Variants in MAN1A1 observed in about 807,000 individuals in gnomAD.
MAN1A1 encodes mannosidase alpha class 1A member 1.
In MAN1A1, 29 loss-of-function variants were observed where a neutral mutation model predicts 70.8. The observed-to-expected ratio is 0.41, with a 90% CI of 0.31 to 0.56. MAN1A1 has a LOEUF of 0.56. Ranked by LOEUF, MAN1A1 falls within the 20% of genes least tolerant of loss-of-function variation. MAN1A1 has a pLI of 0.29. For synonymous variants in MAN1A1, 349 were observed against 330.1 expected (o/e 1.06, Z -0.62); for missense variants, 747 against 841.3 (o/e 0.89, Z 1.39).
chr6:119,201,306 T>C lies in MAN1A1; in HGVS notation c.1158A>G (p.Pro386=), dbSNP rs755121268. The change falls in exon 8 of 13, where the codon CCA becomes CCG. Residue 386 remains proline (P), a synonymous_variant. Coordinates refer to ENST00000368468, the MANE Select transcript of MAN1A1 (RefSeq NM_005907.4). ...TCAGATAGTTAGGATAAAGGCCTTG[T>C]GGTTTTTCCAGTTTGTTCAGTACTG... ...IRTVLNKLEK[P]QGLYPNYLNP... 1.6e-5 allele frequency: 26 copies of C among 1,613,622 alleles called. No homozygotes were observed. Among genetic ancestry groups the C allele is most frequent in the African/African-American group, 2.7e-5 (2 of 74,910 alleles).
chr6:119,198,978 T>A (rs1007628193), intron 8 of MAN1A1, among the ~76,000 whole-genome samples: 2 of 152,252 alleles, frequency 1.3e-5, no homozygotes, highest in Non-Finnish European at 2.9e-5. Context: ...ATTGTTACAT[T>A]AAAAGCCACT....
At chr6:119,329,575 T>C (rs1414234539) in intron 2 of MAN1A1, among the ~76,000 whole-genome samples, 1 of 152,168 alleles carries the variant, frequency 6.6e-6, no homozygotes, top group Non-Finnish European at 1.5e-5. Context: ...TAGGTCAATC[T>C]ACTTGTTTGC....
intron 4 of MAN1A1, among the ~76,000 whole-genome samples, chr6:119,296,250 C>A (rs933869392): frequency 3.3e-5 from 5 of 152,124 alleles, no homozygotes; most frequent in Non-Finnish European, 7.4e-5. Context: ...CAAAGATATG[C>A]AAATACCTCT....
intron 8 of MAN1A1, among the ~76,000 whole-genome samples, chr6:119,200,657 G>A (rs1279268126): frequency 6.6e-6 from 1 of 152,078 alleles, no homozygotes; most frequent in African/African-American, 2.4e-5. Flanking sequence ...TTATGCCCCT[G>A]CTCAAAATCG....
intron 5 of MAN1A1, among the ~76,000 whole-genome samples, chr6:119,252,103 C>T (rs1443315825): frequency 6.6e-6 from 1 of 152,070 alleles, no homozygotes; most frequent in East Asian, 1.9e-4. Context: ...CCACTAGATA[C>T]GATCTCAACG....
At chr6:119,292,469 G>T (rs1329001243) in intron 4 of MAN1A1, among the ~76,000 whole-genome samples, 1 of 151,906 alleles carries the variant, frequency 6.6e-6, no homozygotes, top group Non-Finnish European at 1.5e-5. Context: ...TAGGGAAATG[G>T]CAATAAGGAC....
intron 6 of MAN1A1, among the ~76,000 whole-genome samples, chr6:119,222,994 C>T (rs1316654144): frequency 6.6e-6 from 1 of 151,892 alleles, no homozygotes; most frequent in African/African-American, 2.4e-5. Flanking sequence ...CTGAATTGAA[C>T]CTTTTAAGTG....
chr6:119,298,734 C>A (rs1772297796), intron 4 of MAN1A1, among the ~76,000 whole-genome samples: 1 of 151,768 alleles, frequency 6.6e-6, no homozygotes, highest in Non-Finnish European at 1.5e-5. Flanking sequence ...GTAGCTGGGA[C>A]TACAGGCGTG....
chr6:119,209,594 T>C (rs184314185), intron 6 of MAN1A1, among the ~76,000 whole-genome samples: 2 of 152,170 alleles, frequency 1.3e-5, no homozygotes, highest in Non-Finnish European at 2.9e-5. Context: ...TTAGCACAGA[T>C]TGGGAAAGAA....
At chr6:119,214,090 G>C (rs1267796913) in intron 6 of MAN1A1, among the ~76,000 whole-genome samples, 2 of 152,010 alleles carry the variant, frequency 1.3e-5, no homozygotes, top group African/African-American at 4.8e-5. Flanking sequence ...TCAGCCTCCT[G>C]AGTAGCTGGG....
Position 119,326,599 on chromosome 6 carries a change from C to T in MAN1A1, c.604-19607G>A, listed in dbSNP as rs78619589. ...CAACTTCTGGAGACTAGGTAATTTA[C>T]AAAGGAAAGAGGGCTCATGGACTCA... On this transcript the variant is annotated intron_variant, in intron 2 of 12. Coordinates refer to ENST00000368468, the MANE Select transcript of MAN1A1 (RefSeq NM_005907.4). Among the ~76,000 whole-genome samples the T allele has an allele frequency of 5.9e-3, 896 of 152,206 alleles. 31 individuals are homozygous for T. In the East Asian group the frequency reaches 0.09, roughly 15 times the overall value.
At chr6:119,182,925 G>C (rs1773189411) in intron 11 of MAN1A1, among the ~76,000 whole-genome samples, 1 of 151,926 alleles carries the variant, frequency 6.6e-6, no homozygotes, top group Middle Eastern at 3.2e-3. Context: ...CAAGAAGATG[G>C]AAAGCATAGA....
In MAN1A1 at chr6:119,188,365, T is replaced by C. The variant is rs186907329; in HGVS notation, c.1719+40A>G. 595 of 1,534,886 alleles carry C rather than the reference T, an allele frequency of 3.9e-4. 2 individuals carry two copies. In the African/African-American group the frequency reaches 7.7e-3, roughly 20 times the overall value. On this transcript the variant is annotated intron_variant, in intron 11 of 12. Transcript: ENST00000368468. ...GGGTATCACTGAACATTTTTTACTA[T>C]GAAATTTATCTATAAGAAACATGCA...
At chr6:119,339,654 T>C (rs1243862730) in intron 2 of MAN1A1, among the ~76,000 whole-genome samples, 1 of 152,030 alleles carries the variant, frequency 6.6e-6, no homozygotes, top group South Asian at 2.1e-4. Context: ...CAAGCAGACA[T>C]GAGTTTATAA....
intron 8 of MAN1A1, 48 bp from the exon 9 acceptor site, chr6:119,193,940 A>G: frequency 8.4e-7 from 1 of 1,194,716 alleles, no homozygotes; most frequent in Non-Finnish European, 1.2e-6. Flanking sequence ...CTTTTAATTC[A>G]GATAATGCAG....
At chr6:119,270,749 T>C (rs1775895961) in intron 5 of MAN1A1, among the ~76,000 whole-genome samples, 2 of 152,222 alleles carry the variant, frequency 1.3e-5, no homozygotes, top group African/African-American at 4.8e-5. Flanking sequence ...TAAAAATCTT[T>C]GTTTCTCATT....
chr6:119,338,068 CTAAA>C (rs1341231217), intron 2 of MAN1A1, among the ~76,000 whole-genome samples: 1 of 75,246 alleles, frequency 1.3e-5, no homozygotes, highest in Non-Finnish European at 2.7e-5. Flanking sequence ...TGCTAGTTGA[CTAAA>C]AAAAAAAAAA....
rs138909939 is a variant in MAN1A1 at position 119,221,600 on chromosome 6, A to G, written c.993-16718T>C. ...CAATTCTCATGCCGTAGCCTCCCCA[A>G]TACAAAAAAATACAGGTAATTTTTG... On this transcript the variant is annotated intron_variant, in intron 6 of 12. Coordinates refer to ENST00000368468, the MANE Select transcript of MAN1A1 (RefSeq NM_005907.4). 5.3e-3 allele frequency among the ~76,000 whole-genome samples: 802 copies of G among 151,302 alleles called. 3 individuals carry two copies. Among genetic ancestry groups the G allele is most frequent in the Non-Finnish European group, 8.1e-3 (546 of 67,762 alleles).
intron 2 of MAN1A1, among the ~76,000 whole-genome samples, chr6:119,327,092 T>C (rs1035402406): frequency 2.0e-5 from 3 of 152,160 alleles, no homozygotes; most frequent in African/African-American, 4.8e-5. Flanking sequence ...TGAAAGTTAC[T>C]TAAGAACAAT....
Sources: allele counts gnomAD v4.1 joint callset (sites outside exome capture counted in the v4.1 genomes callset), GRCh38; gene constraint gnomAD v4.1.1; transcripts MANE v1.5; gene names NCBI Gene and HGNC (gene_info 2026-07-23, HGNC 2026-07-21).